CADM1: variants seen among roughly 807,000 people sequenced by gnomAD.
CADM1 encodes TSLC-1.
CADM1 carries 15 observed loss-of-function variants against 53.1 expected under a neutral mutation model. The observed-to-expected ratio is 0.28, with a 90% CI of 0.19 to 0.44. The LOEUF (loss-of-function observed/expected upper bound fraction) is 0.44, where lower values mean the gene tolerates loss of function less well. CADM1 is among the 20% of genes least tolerant of loss of function. CADM1 has a pLI of 1.00. For missense variants in CADM1, 434 were observed against 611.3 expected (o/e 0.71, Z 3.06); for synonymous variants, 281 against 243.0 (o/e 1.16, Z -1.45).
At chr11:115,199,213 A>G (rs1413522165) in intron 8 of CADM1, among the ~76,000 whole-genome samples, 2 of 152,194 alleles carry the variant, frequency 1.3e-5, no homozygotes, top group African/African-American at 4.8e-5. Context: ...AATCTGCCAA[A>G]CGCTGCTTCT....
At chr11:115,178,919 C>T (rs1195208579) in intron 10 of CADM1, 144 bp from the exon 11 acceptor site, 2 of 878,882 alleles carry the variant, frequency 2.3e-6, no homozygotes, top group Non-Finnish European at 3.7e-6. Flanking sequence ...TCAAGTTACA[C>T]TGAGGTAACA....
rs1425293606 is a variant in CADM1 at position 115,400,596 on chromosome 11, TCA to T, written c.124+103673_124+103674del. Among the ~76,000 whole-genome samples, 50 of 139,736 alleles carry T rather than the reference TCA, an allele frequency of 3.6e-4. 1 individual carries two copies. The highest frequency in any genetic ancestry group is 6.6e-4 in the African/African-American group (25 of 37,738). The allele number at this position is 139,736 out of a possible 152,430, so 91.7% of individuals were successfully genotyped here. A position where few individuals can be genotyped will look rare whatever the true frequency, so the allele number is the denominator to read the frequency against. On this transcript the variant is annotated intron_variant, in intron 1 of 11. Coordinates refer to ENST00000331581, the MANE Select transcript of CADM1 (RefSeq NM_001301043.2). ...TATATATAATATATATATATATCTCTCATATATATAATATATATCTTTTATAT... is the reference window on the plus strand; with the variant it reads ...TATATATAATATATATATATATCTCTTATATATAATATATATCTTTTATAT...
intron 1 of CADM1, among the ~76,000 whole-genome samples, chr11:115,342,304 G>A (rs1449806587): frequency 6.6e-6 from 1 of 152,164 alleles, no homozygotes; most frequent in Non-Finnish European, 1.5e-5. Flanking sequence ...CAACTCAAGA[G>A]TTGTATGTGT....
chr11:115,186,523 G>GC, intron 10 of CADM1, among the ~76,000 whole-genome samples: 1 of 152,232 alleles, frequency 6.6e-6, no homozygotes, highest in East Asian at 1.9e-4. Flanking sequence ...GGGAAAGGTG[G>GC]CCCCTGCAAA....
chr11:115,209,618 G>A lies in CADM1; in HGVS notation c.1034C>T (p.Thr345Ile), dbSNP rs1460693964. 2 of 1,612,824 alleles carry A rather than the reference G, an allele frequency of 1.2e-6. No homozygotes were observed. Among genetic ancestry groups the A allele is most frequent in the Admixed American group, 3.3e-5 (2 of 59,958 alleles). The change falls in exon 8 of 12, where the codon ACC becomes ATC. Residue 345 changes from threonine (T) to isoleucine (I), a missense_variant. Physicochemically the swap from Thr to Ile is moderately conservative, Grantham distance 89. This residue lies in a region of CADM1 where 311 missense variants were observed against 435.1 expected (regional missense o/e 0.71). Coordinates refer to ENST00000331581, the MANE Select transcript of CADM1 (RefSeq NM_001301043.2). The stretch of plus-strand genomic sequence containing the variant: ...GGTGGTGGTGGTGGTGGTGGTGGTG[G>A]TGGTGGTTGTTGTGGGAGGAGGGAT... ...TTIPPPTTTT[T>I]TTTTTTTTIL...
At chr11:115,431,755 G>A (rs1202242564) in intron 1 of CADM1, among the ~76,000 whole-genome samples, 1 of 151,808 alleles carries the variant, frequency 6.6e-6, no homozygotes, top group Admixed American at 6.6e-5. Flanking sequence ...TCATATCTCA[G>A]CTCAATCTTC....
At chr11:115,423,072 C>A (rs1212667045) in intron 1 of CADM1, among the ~76,000 whole-genome samples, 1 of 151,220 alleles carries the variant, frequency 6.6e-6, no homozygotes, top group Non-Finnish European at 1.5e-5. Context: ...AGAGCAAAGA[C>A]AAAAGTCGAG....
intron 1 of CADM1, among the ~76,000 whole-genome samples, chr11:115,475,582 G>A (rs1949113491): frequency 6.6e-6 from 1 of 152,110 alleles, no homozygotes; most frequent in Admixed American, 6.6e-5. Context: ...AATACTACTT[G>A]GCAATAAAAA....
chr11:115,346,565 T>G (rs1264665342), intron 1 of CADM1, among the ~76,000 whole-genome samples: 3 of 152,146 alleles, frequency 2.0e-5, no homozygotes, highest in African/African-American at 7.2e-5. Context: ...TTTCTTATTT[T>G]TTTCCATTGT....
intron 1 of CADM1, among the ~76,000 whole-genome samples, chr11:115,338,058 G>A (rs1166393412): frequency 1.3e-5 from 2 of 152,062 alleles, no homozygotes; most frequent in African/African-American, 2.4e-5. Context: ...CAGATGAAGC[G>A]AGTAGATGAA....
At chr11:115,402,273 C>T (rs762115304) in intron 1 of CADM1, among the ~76,000 whole-genome samples, 4 of 152,120 alleles carry the variant, frequency 2.6e-5, no homozygotes, top group Non-Finnish European at 4.4e-5. Flanking sequence ...ACCTGTAATA[C>T]CAGCACTTTG....
intron 1 of CADM1, among the ~76,000 whole-genome samples, chr11:115,286,363 G>A (rs949015687): frequency 6.6e-6 from 1 of 151,964 alleles, no homozygotes; most frequent in African/African-American, 2.4e-5. Flanking sequence ...TACACAAAGA[G>A]AACCAAAGGA....
rs183322962 is a variant in CADM1 at position 115,223,422 on chromosome 11, T to G, written c.722-5431A>C. 3.7e-4 allele frequency among the ~76,000 whole-genome samples: 56 copies of G among 152,302 alleles called. No individual in the cohort carries two copies. The East Asian group carries it at 0.01, about 28-fold the overall frequency. On this transcript the variant is annotated intron_variant, in intron 5 of 11. Transcript: ENST00000331581. ...CCTTCCACACAATCAAAATTTAACC[T>G]TGAGTTAAAAACCATTAAGTGAAGT...
At chr11:115,379,542 T>C (rs1471544157) in intron 1 of CADM1, among the ~76,000 whole-genome samples, 1 of 152,194 alleles carries the variant, frequency 6.6e-6, no homozygotes, top group Non-Finnish European at 1.5e-5. Flanking sequence ...GCTCACAATA[T>C]TCACTGACTG....
intron 1 of CADM1, among the ~76,000 whole-genome samples, chr11:115,290,370 G>A (rs900787987): frequency 6.6e-6 from 1 of 152,182 alleles, no homozygotes; most frequent in Non-Finnish European, 1.5e-5. Context: ...ACAGTGGCAG[G>A]AAGTCTGCTG....
At chr11:115,428,594 T>C (rs1399094333) in intron 1 of CADM1, among the ~76,000 whole-genome samples, 3 of 152,194 alleles carry the variant, frequency 2.0e-5, no homozygotes, top group Non-Finnish European at 4.4e-5. Flanking sequence ...TGTTGTGTGT[T>C]CATGTAACCT....
chr11:115,285,207 A>G (rs1040744611), intron 1 of CADM1, among the ~76,000 whole-genome samples: 1 of 152,260 alleles, frequency 6.6e-6, no homozygotes, highest in African/African-American at 2.4e-5. Context: ...GCTTAAAATC[A>G]GATCGAACAC....
intron 1 of CADM1, among the ~76,000 whole-genome samples, chr11:115,431,482 T>C (rs1948049355): frequency 6.6e-6 from 1 of 152,058 alleles, no homozygotes; most frequent in Admixed American, 6.6e-5. Flanking sequence ...ACCACAGTGA[T>C]TTTTTTCCAG....
At chr11:115,274,945 C>A (rs567638311) in intron 1 of CADM1, among the ~76,000 whole-genome samples, 12 of 152,234 alleles carry the variant, frequency 7.9e-5, no homozygotes, top group African/African-American at 2.9e-4. Flanking sequence ...GTCTCAAGGC[C>A]GTTTGCTGCC....
Sources: allele counts gnomAD v4.1 joint callset (sites outside exome capture counted in the v4.1 genomes callset), GRCh38; gene constraint gnomAD v4.1.1; regional missense constraint gnomAD v4.1.1; transcripts MANE v1.5; gene names NCBI Gene and HGNC (gene_info 2026-07-23, HGNC 2026-07-21).